Variants in BOD1L1 observed in about 807,000 individuals in gnomAD.
The protein encoded by BOD1L1 is biorientation of chromosomes in cell division protein 1-like 1.
Under a neutral mutation model 240.7 loss-of-function variants are expected in BOD1L1, and 86 were observed. The ratio of observed to expected loss-of-function variants is 0.36; its 90% CI spans 0.30 to 0.43. BOD1L1 has a LOEUF of 0.43. Among genes scored for constraint, BOD1L1 ranks in the 20% least tolerant of loss-of-function variants. The pLI is 1.00. For synonymous variants in BOD1L1, 1,268 were observed against 1,272.3 expected, an observed-to-expected ratio of 1.00 and a Z score of 0.07; for missense variants, 3,554 against 3,643.5, an observed-to-expected ratio of 0.98 and a Z score of 0.63.
At chr4:13,590,061 A>C (rs1714072253) in intron 14 of BOD1L1, among the ~76,000 whole-genome samples, 1 of 152,210 alleles carries the variant, frequency 6.6e-6, no homozygotes, top group African/African-American at 2.4e-5. Flanking sequence ...CACATTTCAC[A>C]GTTGGGTACT....
Position 13,614,457 on chromosome 4 carries a change from T to C in BOD1L1, c.913A>G (p.Lys305Glu). 6.2e-7 allele frequency: 1 copy of C among 1,612,918 alleles called. No homozygotes were observed. ...KEHNNLILLN[K>E]DVQQESSEQK... ...TCACTGCTTTCCTGTTGAACATCCT[T>C]ATTTAGCAGAATTAAATTATTATGC... Residue 305 changes from lysine to glutamate, a missense_variant, in exon 4 of 26, where the codon AAG becomes GAG. Around this residue, in one of 2 missense-constraint regions of BOD1L1, gnomAD observed 3,393 missense variants for 3,427.1 expected, o/e 0.99. Coordinates refer to ENST00000040738, the MANE Select transcript of BOD1L1 (RefSeq NM_148894.3).
chr4:13,622,132 T>C (rs764370812), intron 1 of BOD1L1, among the ~76,000 whole-genome samples: 3 of 152,186 alleles, frequency 2.0e-5, no homozygotes, highest in Non-Finnish European at 4.4e-5. Context: ...CCCAAAGTGC[T>C]GGGATTACAG....
Position 13,613,709 on chromosome 4 carries a change from G to A in BOD1L1, c.1175-48C>T, listed in dbSNP as rs774155823. 6 of 1,391,972 alleles carry A rather than the reference G, an allele frequency of 4.3e-6. No homozygotes were observed. In the South Asian group the frequency reaches 1.0e-4, roughly 24 times the overall value. 86.2% of individuals were successfully genotyped at this position (1,391,972 alleles called of 1,614,324 possible). On this transcript the variant is annotated intron_variant, in intron 4 of 25. Transcript: ENST00000040738. The surrounding 1 kb of genome is among the most constrained non-coding windows in gnomAD (Gnocchi z 4.0). ...AGAAAAAAAAATCATCTTATTATAA[G>A]AACATACTCAGAGCTCAATTACTAA...
In BOD1L1 at chr4:13,598,284, T is replaced by C. The variant is rs182938445; in HGVS notation, c.7954+662A>G. On this transcript the variant is annotated intron_variant, in intron 10 of 25. Coordinates refer to ENST00000040738, the MANE Select transcript of BOD1L1 (RefSeq NM_148894.3). ...AAATATATTCTAAACTAGAAACTCA[T>C]TTCACCTGAAAAATAAGCTCAGTTA... Among the ~76,000 whole-genome samples the C allele has an allele frequency of 1.3e-4, 20 of 152,312 alleles. No homozygotes were observed. In the East Asian group the frequency reaches 3.9e-3, roughly 29 times the overall value.
At chr4:13,624,495 T>G (rs1159042633) in intron 1 of BOD1L1, 1 of 152,250 alleles carries the variant, frequency 6.6e-6, no homozygotes, top group African/African-American at 2.4e-5. Flanking sequence ...CTCGGCTAAC[T>G]GCAACCTCTG....
chr4:13,612,254 C>T (rs948302859), intron 5 of BOD1L1, among the ~76,000 whole-genome samples: 10 of 152,288 alleles, frequency 6.6e-5, no homozygotes, highest in Non-Finnish European at 1.3e-4. Context: ...CTATGATTTT[C>T]TCTCTAGGTA....
At chr4:13,620,125 C>G in intron 1 of BOD1L1, 58 bp from the exon 2 acceptor site, 1 of 1,477,958 alleles carries the variant, frequency 6.8e-7, no homozygotes, top group South Asian at 1.4e-5. Context: ...ATATTCACCT[C>G]TCAGAAAAGT....
intron 1 of BOD1L1, chr4:13,624,513 G>C (rs1468642533): frequency 6.6e-6 from 1 of 152,192 alleles, no homozygotes; most frequent in African/African-American, 2.4e-5. Flanking sequence ...CTGTCTCCTG[G>C]CTTCAAGCAA....
chr4:13,571,773 T>C (rs1247209065), intron 25 of BOD1L1, among the ~76,000 whole-genome samples: 1 of 152,198 alleles, frequency 6.6e-6, no homozygotes, highest in Non-Finnish European at 1.5e-5. Context: ...GCATGTTCAA[T>C]TTTGAGTAGT....
At chr4:13,622,011 T>A (rs1577385448) in intron 1 of BOD1L1, among the ~76,000 whole-genome samples, 1 of 151,862 alleles carries the variant, frequency 6.6e-6, no homozygotes, top group East Asian at 2.0e-4. Flanking sequence ...ACTACAGGCA[T>A]GCGCCACCAC....
intron 25 of BOD1L1, among the ~76,000 whole-genome samples, chr4:13,572,165 GATGAAA>G (rs1363973708): frequency 1.3e-5 from 2 of 152,198 alleles, no homozygotes; most frequent in Non-Finnish European, 2.9e-5. Flanking sequence ...AGCAAGAAGA[GATGAAA>G]ATGGGCTGAA....
chr4:13,583,286 A>G (rs1208140061), intron 17 of BOD1L1, among the ~76,000 whole-genome samples: 3 of 152,256 alleles, frequency 2.0e-5, no homozygotes, highest in Non-Finnish European at 2.9e-5. Context: ...ATATAAACAA[A>G]AATACATAAA....
chr4:13,595,540 C>G (rs1341498074), intron 12 of BOD1L1, among the ~76,000 whole-genome samples: 8 of 152,292 alleles, frequency 5.3e-5, no homozygotes, highest in South Asian at 2.1e-4. Context: ...GCAATAGCAT[C>G]TGGGGACAGG....
At chr4:13,577,965 G>A (rs189220390) in intron 22 of BOD1L1, 50 of 194,370 alleles carry the variant, frequency 2.6e-4, no homozygotes, top group African/African-American at 7.9e-4. Flanking sequence ...GTGCAGTGGC[G>A]TGATCTTGGC....
rs778806502 is a variant in BOD1L1, at chr4:13,570,104, A to G, written c.9063T>C (p.Ser3021=). Reference sequence around the variant, plus strand: ...GGCTGACTTCTCTCTTGCGCTTGATAGAAGGGGAGAGCTGTGTCTTTGATC... The same window carrying G: ...GGCTGACTTCTCTCTTGCGCTTGATGGAAGGGGAGAGCTGTGTCTTTGATC... The part of the protein sequence containing the change: ...AQRSKTQLSP[S]IKRKREVSPP... The change falls in exon 26 of 26, where the codon TCT becomes TCC. Residue 3021 remains serine, a synonymous_variant. Coordinates refer to ENST00000040738, the MANE Select transcript of BOD1L1 (RefSeq NM_148894.3). 3.7e-6 allele frequency: 6 copies of G among 1,601,464 alleles called. No homozygotes were observed. In the South Asian group the frequency reaches 6.7e-5, roughly 18 times the overall value.
At chr4:13,606,458 T>TA (rs34136405) in intron 9 of BOD1L1, among the ~76,000 whole-genome samples, 83,572 of 151,984 alleles carry the variant, frequency 0.55, 26,874 homozygotes, top group East Asian at 0.96. Flanking sequence ...ACAGATAATG[T>TA]GGTTTTTGTA....
At chr4:13,575,603 T>TA (rs1479566057) in intron 25 of BOD1L1, among the ~76,000 whole-genome samples, 1 of 151,806 alleles carries the variant, frequency 6.6e-6, no homozygotes, top group Non-Finnish European at 1.5e-5. Context: ...GCTGGTCTCA[T>TA]AAACTCCTGG....
chr4:13,593,306 C>T (rs1714365190), intron 12 of BOD1L1: 1 of 151,966 alleles, frequency 6.6e-6, no homozygotes, highest in African/African-American at 2.4e-5. Context: ...TTCGTTGCAG[C>T]CCTGTAACAG....
Position 13,615,505 on chromosome 4 carries a change from G to T in BOD1L1, c.369-3C>A. 1 of 1,579,566 alleles carries T rather than the reference G, an allele frequency of 6.3e-7. No individual in the cohort carries two copies. Among genetic ancestry groups the T allele is most frequent in the Non-Finnish European group, 8.6e-7 (1 of 1,162,222 alleles). On this transcript the variant is annotated splice_region_variant and splice_polypyrimidine_tract_variant and intron_variant, in intron 2 of 25. Transcript: ENST00000040738. ...TACCAGACTCCAACATTCCTGATCT[G>T]AAACACAAGATAATTTATGGAAAGG... is the stretch of plus-strand genomic sequence containing the variant.
Sources: allele counts gnomAD v4.1 joint callset (sites outside exome capture counted in the v4.1 genomes callset), GRCh38; gene constraint gnomAD v4.1.1; regional missense constraint gnomAD v4.1.1; non-coding constraint Gnocchi (gnomAD v3.1); transcripts MANE v1.5; gene names NCBI Gene and HGNC (gene_info 2026-07-23, HGNC 2026-07-21).